The following EHBP1 variants were observed in gnomAD, a reference collection of about 807,000 sequenced individuals.
EHBP1 encodes the protein EH domain binding protein 1, also known as EH domain-binding protein 1.
A neutral mutation model predicts 144.0 loss-of-function variants in EHBP1; 55 were observed. The observed-to-expected ratio is 0.38, with a 90% CI of 0.31 to 0.48. The LOEUF is 0.48. Ranked by LOEUF, EHBP1 falls within the 20% of genes least tolerant of loss-of-function variation. The probability of loss-of-function intolerance (pLI) is 0.98; values close to 1 mark genes in which losing one functional copy is unlikely to be tolerated. For synonymous variants in EHBP1, 469 were observed against 472.7 expected, an observed-to-expected ratio of 0.99 and a Z score of 0.10; for missense variants, 1,200 against 1,364.2, an observed-to-expected ratio of 0.88 and a Z score of 1.90.
chr2:62,902,971 G>C (rs1385949375), intron 10 of EHBP1, among the ~76,000 whole-genome samples: 1 of 152,040 alleles, frequency 6.6e-6, no homozygotes, highest in East Asian at 1.9e-4. Flanking sequence ...GGAAGAACTG[G>C]CATTTTTGAC....
chr2:62,740,655 G>A (rs1184413167), intron 2 of EHBP1, among the ~76,000 whole-genome samples: 2 of 152,062 alleles, frequency 1.3e-5, no homozygotes, highest in Non-Finnish European at 2.9e-5. Context: ...TGGTATTAAT[G>A]TTTTGAGCTC....
chr2:62,874,975 G>T (rs1004868966), intron 10 of EHBP1, among the ~76,000 whole-genome samples: 1 of 151,900 alleles, frequency 6.6e-6, no homozygotes, highest in African/African-American at 2.4e-5. Context: ...CTACCACCCT[G>T]ACCCTACCCT....
At chr2:62,758,542 T>C (rs1053568572) in intron 3 of EHBP1, among the ~76,000 whole-genome samples, 3 of 152,200 alleles carry the variant, frequency 2.0e-5, no homozygotes, top group Non-Finnish European at 4.4e-5. Context: ...TGTATATGCT[T>C]AAATAAATTA....
At position 62,745,012 on chromosome 2, in the gene EHBP1, T is replaced by C. The variant is rs2039021115; in HGVS notation, c.105-2383T>C. On this transcript the variant is annotated intron_variant, in intron 2 of 22. Transcript: ENST00000431489. ...AGTATTTAGAAACGCTTCCCTAGAG[T>C]TTTTATTTTAATGTGCAGCAAGAAT... Among the ~76,000 whole-genome samples the C allele has an allele frequency of 2.0e-5, 3 of 151,956 alleles. No homozygotes were observed. In the South Asian group the frequency reaches 6.2e-4, roughly 31 times the overall value.
chr2:62,812,192 T>G (rs2045070776), intron 5 of EHBP1, among the ~76,000 whole-genome samples: 1 of 152,204 alleles, frequency 6.6e-6, no homozygotes, highest in African/African-American at 2.4e-5. Context: ...GCTGGCTCCT[T>G]GAGTTGGTGT....
intron 2 of EHBP1, among the ~76,000 whole-genome samples, chr2:62,742,592 A>G (rs897501351): frequency 2.0e-5 from 3 of 152,074 alleles, no homozygotes; most frequent in Non-Finnish European, 4.4e-5. Flanking sequence ...GGAATGTCAT[A>G]TTGACTTTGA....
At chr2:62,679,662 TAA>T (rs2033440947) in intron 1 of EHBP1, among the ~76,000 whole-genome samples, 1 of 152,166 alleles carries the variant, frequency 6.6e-6, no homozygotes, top group African/African-American at 2.4e-5. Context: ...TCAACGGTAA[TAA>T]AAGACTTAAG....
At chr2:62,824,735 CAAG>C (rs1020490386) in intron 5 of EHBP1, among the ~76,000 whole-genome samples, 2 of 151,910 alleles carry the variant, frequency 1.3e-5, no homozygotes, top group Non-Finnish European at 2.9e-5. Context: ...CATTTTAAAA[CAAG>C]GTATTCTTTA....
chr2:62,928,848 A>G (rs1364587759), intron 10 of EHBP1, among the ~76,000 whole-genome samples: 1 of 151,740 alleles, frequency 6.6e-6, no homozygotes, highest in African/African-American at 2.4e-5. Flanking sequence ...AACAAAAAAA[A>G]AAAAAAAAGA....
chr2:62,826,085 A>C lies in EHBP1; in HGVS notation c.313-2A>C, dbSNP rs1230795382. 6.9e-7 allele frequency: 1 copy of C among 1,447,466 alleles called. No individual in the cohort carries two copies. The highest frequency in any genetic ancestry group is 9.1e-7 in the Non-Finnish European group (1 of 1,095,832). 89.7% of individuals were successfully genotyped at this position (1,447,466 alleles called of 1,614,324 possible). ...ATACTTTTTTTTTCTTTAATCTTCC[A>C]GGAATCCCCTTCTGGTCGAAGGAAA... On this transcript the variant is annotated splice_acceptor_variant, in intron 5 of 22. Coordinates refer to ENST00000431489, the MANE Select transcript of EHBP1 (RefSeq NM_001142616.3). LOFTEE classifies it high-confidence loss of function.
chr2:62,852,790 T>G (rs1270356222), intron 7 of EHBP1, among the ~76,000 whole-genome samples: 1 of 152,184 alleles, frequency 6.6e-6, no homozygotes, highest in Admixed American at 6.5e-5. Context: ...TTACAGTGAC[T>G]GCAAGAGGCA....
intron 3 of EHBP1, among the ~76,000 whole-genome samples, chr2:62,752,766 A>C (rs953233011): frequency 7.0e-6 from 1 of 143,592 alleles, no homozygotes; most frequent in Admixed American, 7.2e-5. Flanking sequence ...TCTTTGTTTA[A>C]AGTGTGTTTT....
At chr2:62,951,142 T>C (rs967074315) in intron 13 of EHBP1, among the ~76,000 whole-genome samples, 1 of 152,178 alleles carries the variant, frequency 6.6e-6, no homozygotes, top group Non-Finnish European at 1.5e-5. Context: ...TCTCAAATAG[T>C]CCTCAAGTGG....
chr2:62,773,850 CAAAAAAAAAAAAAAAA>C (rs570715468), intron 5 of EHBP1, among the ~76,000 whole-genome samples: 130 of 41,546 alleles, frequency 3.1e-3, no homozygotes, highest in African/African-American at 4.1e-3. Flanking sequence ...GACTCCATCT[CAAAAAAAAAAAAAAAA>C]AAAAAAAAAA....
intron 15 of EHBP1, among the ~76,000 whole-genome samples, chr2:62,985,263 T>C (rs2059136201): frequency 6.6e-6 from 1 of 152,198 alleles, no homozygotes; most frequent in Admixed American, 6.6e-5. Flanking sequence ...GGCTGTCTTA[T>C]GCACAGTCCC....
intron 2 of EHBP1, among the ~76,000 whole-genome samples, chr2:62,719,508 A>G (rs2036006041): frequency 6.6e-6 from 1 of 152,218 alleles, no homozygotes; most frequent in Non-Finnish European, 1.5e-5. Context: ...ACAAGGGAGC[A>G]AGAGATGTTT....
intron 1 of EHBP1, among the ~76,000 whole-genome samples, chr2:62,680,658 TG>T (rs5831644): frequency 0.37 from 56,868 of 151,970 alleles, 11,071 homozygotes; most frequent in Middle Eastern, 0.49. Flanking sequence ...GTCAGAAATA[TG>T]GGTTCTTCTA....
At chr2:62,775,455 G>C (rs1472275465) in intron 5 of EHBP1, among the ~76,000 whole-genome samples, 1 of 152,156 alleles carries the variant, frequency 6.6e-6, no homozygotes, top group East Asian at 1.9e-4. Flanking sequence ...ATATTGTCCT[G>C]ACACTGAAAA....
In EHBP1 at chr2:62,846,384, T is replaced by C. The variant is rs150535115; in HGVS notation, c.635-12785T>C. Among the ~76,000 whole-genome samples, 1,329 of 152,200 alleles carry C rather than the reference T, an allele frequency of 8.7e-3. 11 individuals carry two copies. The Middle Eastern group carries it at 0.11, about 12-fold the overall frequency. ...GGAATTCAAGGTTAGTTTAACCACA[T>C]TAATAAAGGAAAAAAATTATATAGT... On this transcript the variant is annotated intron_variant, in intron 7 of 22. Transcript: ENST00000431489.
Sources: allele counts gnomAD v4.1 joint callset (sites outside exome capture counted in the v4.1 genomes callset), GRCh38; gene constraint gnomAD v4.1.1; transcripts MANE v1.5; gene names NCBI Gene and HGNC (gene_info 2026-07-23, HGNC 2026-07-21).